LAMC1: variants seen among roughly 807,000 people sequenced by gnomAD.
LAMC1 encodes laminin subunit gamma-1.
In LAMC1, 38 loss-of-function variants were observed where a neutral mutation model predicts 173.6. That is an observed-to-expected ratio of 0.22 (90% confidence interval 0.17 to 0.29). The LOEUF (loss-of-function observed/expected upper bound fraction) is 0.29. Among genes scored for constraint, LAMC1 ranks in the 10% least tolerant of loss-of-function variants. The probability of loss-of-function intolerance (pLI) is 1.00; values close to 1 mark genes in which losing one functional copy is unlikely to be tolerated. For missense variants in LAMC1, 1,824 were observed against 2,051.8 expected, an observed-to-expected ratio of 0.89 and a Z score of 2.14; for synonymous variants, 746 against 749.1, an observed-to-expected ratio of 1.00 and a Z score of 0.07.
At chr1:183,089,590 G>C (rs1655516088) in intron 1 of LAMC1, among the ~76,000 whole-genome samples, 2 of 152,140 alleles carry the variant, frequency 1.3e-5, no homozygotes, top group Admixed American at 6.5e-5. Flanking sequence ...ATTTAAAGAA[G>C]TTTCTGAAAT....
chr1:183,103,744 G>A, intron 2 of LAMC1, 112 bp downstream of exon 2: 1 of 838,028 alleles, frequency 1.2e-6, no homozygotes. Context: ...GGTCAGAGTA[G>A]AATACTTGAG....
In LAMC1 at chr1:183,125,386, TC is replaced by T. The variant is rs1348971620; in HGVS notation, c.2648-9del. Reference sequence around the variant, plus strand: ...TTTGTGTCTTTTGCCATCTCTGTCTTCCTGCCTTAGCCTGCAATTGCAATCT... The same window carrying T: ...TTTGTGTCTTTTGCCATCTCTGTCTTCTGCCTTAGCCTGCAATTGCAATCT... On this transcript the variant is annotated splice_polypyrimidine_tract_variant and intron_variant, in intron 14 of 27. Coordinates refer to ENST00000258341, the MANE Select transcript of LAMC1 (RefSeq NM_002293.4). The T allele has an allele frequency of 3.7e-6, 6 of 1,613,818 alleles. No individual in the cohort carries two copies. The highest frequency in any genetic ancestry group is 5.1e-6 in the Non-Finnish European group (6 of 1,179,708).
intron 1 of LAMC1, among the ~76,000 whole-genome samples, chr1:183,066,926 G>A (rs191342140): frequency 1.3e-3 from 199 of 152,206 alleles, no homozygotes; most frequent in African/African-American, 4.8e-3. Context: ...TAACAAACCT[G>A]CACATTCTGC....
chr1:183,117,835 TGTG>T, intron 10 of LAMC1, 112 bp downstream of exon 10: 7 of 1,004,950 alleles, frequency 7.0e-6, no homozygotes, highest in South Asian at 1.7e-5. Flanking sequence ...TCTGGGTTAT[TGTG>T]GTGATTTTGT....
chr1:183,065,287 G>A (rs939619039), intron 1 of LAMC1, among the ~76,000 whole-genome samples: 1 of 151,740 alleles, frequency 6.6e-6, no homozygotes, highest in Non-Finnish European at 1.5e-5. Flanking sequence ...GGGAGACAGA[G>A]ACTGTATATA....
At chr1:183,090,227 A>C (rs1252765041) in intron 1 of LAMC1, among the ~76,000 whole-genome samples, 1 of 152,160 alleles carries the variant, frequency 6.6e-6, no homozygotes, top group Non-Finnish European at 1.5e-5. Flanking sequence ...TTTATTTCTT[A>C]ACAGTCATTA....
rs565282922 is a variant in LAMC1, at chr1:183,048,114, A to G, written c.418+23980A>G. Among the ~76,000 whole-genome samples, 4 of 152,304 alleles carry G rather than the reference A, an allele frequency of 2.6e-5. No individual in the cohort carries two copies. The East Asian group carries it at 5.8e-4, about 22-fold the overall frequency. On this transcript the variant is annotated intron_variant, in intron 1 of 27. Transcript: ENST00000258341. ...TTCTTAGCCTCTTTTTTTCTAAAATATCAAATGTAAATAAAAGTGTTGATA... is the reference window on the plus strand; with the variant it reads ...TTCTTAGCCTCTTTTTTTCTAAAATGTCAAATGTAAATAAAAGTGTTGATA...
chr1:183,067,621 T>C (rs140380538), intron 1 of LAMC1, among the ~76,000 whole-genome samples: 60 of 152,096 alleles, frequency 3.9e-4, no homozygotes, highest in African/African-American at 1.4e-3. Context: ...CCTGAGTAGC[T>C]GGGACTACAA....
intron 6 of LAMC1, 40 bp downstream of exon 6, chr1:183,115,677 A>G (rs1571450187): frequency 3.2e-6 from 4 of 1,268,730 alleles, no homozygotes; most frequent in Non-Finnish European, 1.2e-6. Flanking sequence ...GGCAGAATCT[A>G]TATATAGTCA....
chr1:183,126,371 A>G (rs1656620225), intron 16 of LAMC1, 109 bp downstream of exon 16: 1 of 1,118,396 alleles, frequency 8.9e-7, no homozygotes, highest in East Asian at 2.4e-5. Flanking sequence ...ACTCATAGTC[A>G]GGGCTGTACC....
intron 1 of LAMC1, among the ~76,000 whole-genome samples, chr1:183,059,316 A>G (rs543134931): frequency 6.6e-6 from 1 of 152,356 alleles, no homozygotes; most frequent in East Asian, 1.9e-4. Context: ...ACATTACATC[A>G]TGGTGGAACT....
chr1:183,111,302 G>A (rs1010303552), intron 4 of LAMC1, among the ~76,000 whole-genome samples: 3 of 152,038 alleles, frequency 2.0e-5, no homozygotes. Flanking sequence ...GGCCAGGCTG[G>A]TCTCGAACTC....
chr1:183,121,921 G>A lies in LAMC1; in HGVS notation c.2189G>A (p.Ser730Asn), dbSNP rs1359450639. 1 of 1,614,068 alleles carries A rather than the reference G, an allele frequency of 6.2e-7. No individual in the cohort carries two copies. Among genetic ancestry groups the A allele is most frequent in the African/African-American group, 1.3e-5 (1 of 74,958 alleles). The change falls in exon 12 of 28, where the codon AGC becomes AAC. Residue 730 changes from serine to asparagine, a missense_variant. By Grantham distance (46) the Ser-to-Asn change is conservative. Transcript: ENST00000258341. ...PCVLCACNGH[S>N]ETCDPETGVC... ...GTGCTTTGCGCCTGCAATGGACACA[G>A]CGAGACCTGTGATCCTGAGACAGGT...
Position 183,142,828 on chromosome 1 carries a change from G to C in LAMC1, c.*38G>C. ...TGGAAGGCAGCATCCCTCTGACAGGGGGGCAGTTGTGAGGCCACAGAGTGC... is the reference window on the plus strand; with the variant it reads ...TGGAAGGCAGCATCCCTCTGACAGGCGGGCAGTTGTGAGGCCACAGAGTGC... On this transcript the variant is annotated 3_prime_UTR_variant, in exon 28 of 28. Transcript: ENST00000258341. The C allele has an allele frequency of 1.3e-6, 2 of 1,567,332 alleles. No individual in the cohort carries two copies. Among genetic ancestry groups the C allele is most frequent in the South Asian group, 1.2e-5 (1 of 81,220 alleles).
chr1:183,128,454 A>T, intron 17 of LAMC1, 140 bp from the exon 18 acceptor site: 1 of 555,970 alleles, frequency 1.8e-6, no homozygotes, highest in South Asian at 3.4e-5. Context: ...CCTAAAACTT[A>T]AAGTATAATA....
At chr1:183,076,944 C>G (rs1655132709) in intron 1 of LAMC1, among the ~76,000 whole-genome samples, 1 of 152,076 alleles carries the variant, frequency 6.6e-6, no homozygotes, top group Admixed American at 6.5e-5. Context: ...AACTTTATAC[C>G]CAGGTACTTA....
chr1:183,033,503 C>T (rs1034108355), intron 1 of LAMC1, among the ~76,000 whole-genome samples: 1 of 152,144 alleles, frequency 6.6e-6, no homozygotes, highest in Non-Finnish European at 1.5e-5. Flanking sequence ...ATGCTTTGGT[C>T]ACAATATCTG....
chr1:183,066,273 C>T (rs556090153), intron 1 of LAMC1, among the ~76,000 whole-genome samples: 15 of 152,092 alleles, frequency 9.9e-5, no homozygotes, highest in Non-Finnish European at 2.1e-4. Flanking sequence ...GAGGGTTGGA[C>T]GAAGGTTAAC....
Position 183,130,427 on chromosome 1 carries a change from A to C in LAMC1, c.3364A>C (p.Asn1122His). Residue 1122 changes from asparagine to histidine, a missense_variant, in exon 19 of 28, where the codon AAT becomes CAT. Transcript: ENST00000258341. ...AATTAGCCGTTTACAGAATATCCGG[A>C]ATACCATTGAAGAGACTGGAAACTT... is the stretch of plus-strand genomic sequence containing the variant. ...SQISRLQNIRNTIEETGNLAE... is the reference protein window; with the variant it reads ...SQISRLQNIRHTIEETGNLAE... 2 of 1,614,154 alleles carry C rather than the reference A, an allele frequency of 1.2e-6. No homozygotes were observed. Among genetic ancestry groups the C allele is most frequent in the Non-Finnish European group, 1.7e-6 (2 of 1,179,986 alleles).
Sources: gnomAD v4.1 joint callset for allele counts (sites outside exome capture counted in the v4.1 genomes callset) on GRCh38, gnomAD v4.1.1 for gene constraint, MANE v1.5 for transcripts, NCBI Gene and HGNC (gene_info 2026-07-23, HGNC 2026-07-21) for gene names.